ERI3: variants seen among roughly 807,000 people sequenced by gnomAD.
ERI3 encodes ERI1 exoribonuclease family member 3.
ERI3 carries 18 observed loss-of-function variants against 44.4 expected under a neutral mutation model. That is an observed-to-expected ratio of 0.41 (90% CI 0.28 to 0.60). The LOEUF is 0.60. Among genes scored for constraint, ERI3 ranks in the 20% least tolerant of loss-of-function variants. ERI3 has a pLI of 0.36. For missense variants in ERI3, 294 were observed against 435.5 expected, an observed-to-expected ratio of 0.68 and a Z score of 2.89; for synonymous variants, 183 against 164.8, an observed-to-expected ratio of 1.11 and a Z score of -0.84.
intron 7 of ERI3, among the ~76,000 whole-genome samples, chr1:44,270,542 C>T (rs185950544): frequency 4.0e-4 from 61 of 152,320 alleles, no homozygotes; most frequent in Admixed American, 4.6e-4. Context: ...CCCAGCAGAG[C>T]TCCCAACTTT....
At chr1:44,244,431 A>G (rs1044902638) in intron 8 of ERI3, among the ~76,000 whole-genome samples, 12 of 152,150 alleles carry the variant, frequency 7.9e-5, no homozygotes, top group African/African-American at 2.9e-4. Flanking sequence ...CTCAGTCCCC[A>G]GGGCCAAGCC....
At chr1:44,246,975 C>T (rs575852650) in intron 8 of ERI3, among the ~76,000 whole-genome samples, 1 of 152,302 alleles carries the variant, frequency 6.6e-6, no homozygotes, top group South Asian at 2.1e-4. Context: ...GGCTCCTCCC[C>T]ACTTGGAACA....
chr1:44,339,358 A>AG, intron 2 of ERI3, 36 bp from the exon 3 acceptor site: 1 of 1,423,398 alleles, frequency 7.0e-7, no homozygotes, highest in Non-Finnish European at 9.3e-7. Context: ...AAAAAAAAAA[A>AG]GAAAAGAAAG....
chr1:44,267,236 G>A (rs1645007126), intron 7 of ERI3, among the ~76,000 whole-genome samples: 1 of 152,166 alleles, frequency 6.6e-6, no homozygotes, highest in Admixed American at 6.5e-5. Context: ...AGACTTGTAG[G>A]TGGATGAAGA....
At chr1:44,287,330 T>A (rs1425916662) in intron 6 of ERI3, among the ~76,000 whole-genome samples, 1 of 152,198 alleles carries the variant, frequency 6.6e-6, no homozygotes, top group Admixed American at 6.5e-5. Flanking sequence ...GCTACAAGAA[T>A]CCAGTTGAGA....
intron 7 of ERI3, among the ~76,000 whole-genome samples, chr1:44,279,417 G>A (rs1645242623): frequency 1.3e-5 from 2 of 152,128 alleles, no homozygotes; most frequent in Middle Eastern, 3.4e-3. Flanking sequence ...GTAGAGATGA[G>A]GTCTCACTAT....
intron 6 of ERI3, among the ~76,000 whole-genome samples, chr1:44,304,159 G>A (rs1645783859): frequency 6.6e-6 from 1 of 152,166 alleles, no homozygotes; most frequent in Non-Finnish European, 1.5e-5. Flanking sequence ...GAGATGTAGA[G>A]TAGGTAGCTG....
chr1:44,234,130 C>T (rs1034655554), intron 8 of ERI3, among the ~76,000 whole-genome samples: 7 of 152,190 alleles, frequency 4.6e-5, no homozygotes, highest in African/African-American at 1.7e-4. Context: ...CTCTTCCCTT[C>T]TCACTCTCTC....
chr1:44,224,499 G>A (rs1028197728), intron 8 of ERI3, among the ~76,000 whole-genome samples: 1 of 152,186 alleles, frequency 6.6e-6, no homozygotes, highest in South Asian at 2.1e-4. Flanking sequence ...AGGGCTTAGC[G>A]TCTCTAATAC....
In ERI3 at chr1:44,221,864, C is replaced by T. The variant is rs1158332197; in HGVS notation, c.932-224G>A. On this transcript the variant is annotated intron_variant, in intron 8 of 8. Transcript: ENST00000372257. This position sits in a 1 kb window ranked among gnomAD's most constrained non-coding sequence, Gnocchi z 5.9. Reference sequence around the variant, plus strand: ...CTCGATGCTTCTCAGTTCCATAATTCATGCTGGAAATTGGCCGGCATGTCC... The same window carrying T: ...CTCGATGCTTCTCAGTTCCATAATTTATGCTGGAAATTGGCCGGCATGTCC... 6.6e-6 allele frequency among the ~76,000 whole-genome samples: 1 copy of T among 152,166 alleles called. No individual in the cohort carries two copies. The highest frequency in any genetic ancestry group is 1.5e-5 in the Non-Finnish European group (1 of 68,034).
intron 7 of ERI3, among the ~76,000 whole-genome samples, chr1:44,260,636 C>G (rs1439719645): frequency 6.6e-6 from 1 of 152,128 alleles, no homozygotes; most frequent in Non-Finnish European, 1.5e-5. Flanking sequence ...AAACTCTAGC[C>G]CCTGGGTCTC....
intron 5 of ERI3, among the ~76,000 whole-genome samples, chr1:44,310,479 A>G (rs1645930479): frequency 6.6e-6 from 1 of 152,208 alleles, no homozygotes; most frequent in African/African-American, 2.4e-5. Context: ...GACTGACTGA[A>G]AACATGAGTA....
At chr1:44,286,519 C>G (rs911664181) in intron 6 of ERI3, among the ~76,000 whole-genome samples, 2 of 151,924 alleles carry the variant, frequency 1.3e-5, no homozygotes, top group Admixed American at 6.6e-5. Flanking sequence ...AAAATTAAAG[C>G]CAGGAGAGTA....
At chr1:44,239,849 G>A (rs1644395479) in intron 8 of ERI3, among the ~76,000 whole-genome samples, 1 of 152,230 alleles carries the variant, frequency 6.6e-6, no homozygotes. Context: ...TGAGGCCTCA[G>A]AACTCACATC....
intron 8 of ERI3, among the ~76,000 whole-genome samples, chr1:44,225,536 A>G (rs1644017054): frequency 6.6e-6 from 1 of 152,170 alleles, no homozygotes; most frequent in Non-Finnish European, 1.5e-5. Flanking sequence ...ATATTTTTAT[A>G]TTGCCAAGAC....
At chr1:44,272,049 T>C (rs956561242) in intron 7 of ERI3, among the ~76,000 whole-genome samples, 1 of 152,302 alleles carries the variant, frequency 6.6e-6, no homozygotes, top group Middle Eastern at 3.4e-3. Flanking sequence ...CTTCTCCCGA[T>C]AGCCTAGTCA....
At chr1:44,324,476 C>CTTTTTTTT (rs35475844) in intron 3 of ERI3, among the ~76,000 whole-genome samples, 4 of 90,430 alleles carry the variant, frequency 4.4e-5, no homozygotes, top group East Asian at 3.6e-4. Context: ...AACATAGACT[C>CTTTTTTTT]TTTTTTTTTT....
intron 8 of ERI3, among the ~76,000 whole-genome samples, chr1:44,236,568 T>C (rs1644309275): frequency 6.6e-6 from 1 of 151,656 alleles, no homozygotes; most frequent in African/African-American, 2.4e-5. Context: ...GGGGTGGAAA[T>C]ATGGGGCTCT....
chr1:44,250,271 G>A (rs752026727), intron 7 of ERI3, among the ~76,000 whole-genome samples: 6 of 152,226 alleles, frequency 3.9e-5, no homozygotes, highest in Non-Finnish European at 7.3e-5. Context: ...AGGCCCCTCC[G>A]CTCTGCTTAT....
Sources: gnomAD v4.1 joint callset for allele counts (sites outside exome capture counted in the v4.1 genomes callset) on GRCh38, gnomAD v4.1.1 for gene constraint, Gnocchi (gnomAD v3.1) non-coding constraint, MANE v1.5 for transcripts, NCBI Gene and HGNC (gene_info 2026-07-23, HGNC 2026-07-21) for gene names.